The following MAPKAPK2 variants were observed in gnomAD, a reference collection of about 807,000 sequenced individuals.
The protein encoded by MAPKAPK2 is MAPK activated protein kinase 2.
MAPKAPK2 carries 9 observed loss-of-function variants against 48.8 expected under a neutral mutation model. The observed-to-expected ratio is 0.18, with a 90% CI of 0.11 to 0.32. The LOEUF (loss-of-function observed/expected upper bound fraction) is 0.32. Ranked by LOEUF, MAPKAPK2 falls within the 10% of genes least tolerant of loss-of-function variation. MAPKAPK2 has a pLI of 1.00. For missense variants in MAPKAPK2, 331 were observed against 498.3 expected, an observed-to-expected ratio of 0.66 and a Z score of 3.20; for synonymous variants, 202 against 190.6, an observed-to-expected ratio of 1.06 and a Z score of -0.49.
At chr1:206,730,657 C>T (rs571933884) in intron 5 of MAPKAPK2, 31 bp from the exon 6 acceptor site, 41 of 1,593,726 alleles carry the variant, frequency 2.6e-5, no homozygotes, top group Middle Eastern at 3.3e-4. Context: ...TTCTGAGGGC[C>T]GGCCCACCCA....
At chr1:206,702,643 G>A (rs1333012930) in intron 1 of MAPKAPK2, among the ~76,000 whole-genome samples, 6 of 152,174 alleles carry the variant, frequency 3.9e-5, no homozygotes, top group Non-Finnish European at 7.3e-5. Context: ...ATCCATTCCC[G>A]GTAATGACAG....
chr1:206,725,298 A>G (rs782258673), intron 1 of MAPKAPK2, among the ~76,000 whole-genome samples: 3 of 152,006 alleles, frequency 2.0e-5, no homozygotes, highest in Non-Finnish European at 2.9e-5. Context: ...GTGCATCCTC[A>G]CTTAGCACAG....
chr1:206,700,944 C>T (rs1402818567), intron 1 of MAPKAPK2, among the ~76,000 whole-genome samples: 5 of 152,330 alleles, frequency 3.3e-5, no homozygotes, highest in East Asian at 1.9e-4. Context: ...GTGTTAATTA[C>T]GTTTCTGGGC....
intron 3 of MAPKAPK2, 94 bp downstream of exon 3, chr1:206,729,193 C>T (rs1459206966): frequency 3.7e-6 from 5 of 1,337,140 alleles, no homozygotes; most frequent in Non-Finnish European, 5.4e-6. Flanking sequence ...GGGAAGGGTG[C>T]TGAGGCTGCT....
intron 1 of MAPKAPK2, among the ~76,000 whole-genome samples, chr1:206,717,885 G>A (rs1012315760): frequency 2.0e-5 from 3 of 151,576 alleles, no homozygotes; most frequent in African/African-American, 7.3e-5. Context: ...AAAAATACAC[G>A]CCTCTCTCTA....
chr1:206,689,575 A>G lies in MAPKAPK2; in HGVS notation c.279+4067A>G, dbSNP rs144464282. ...GTAGGTAACAGTTTGCTGAATATCT[A>G]TCATAAGCTTAGTTGCATGGAGGAT... is the stretch of plus-strand genomic sequence containing the variant. On this transcript the variant is annotated intron_variant, in intron 1 of 9. Coordinates refer to ENST00000367103, the MANE Select transcript of MAPKAPK2 (RefSeq NM_032960.4). Among the ~76,000 whole-genome samples the G allele has an allele frequency of 7.8e-3, 1,191 of 152,294 alleles. 18 individuals carry two copies. The highest frequency in any genetic ancestry group is 0.027 in the African/African-American group (1,124 of 41,554).
At position 206,732,466 on chromosome 1, in the gene MAPKAPK2, G is replaced by A. The variant is rs548666544; in HGVS notation, c.1060-109G>A. On this transcript the variant is annotated intron_variant, in intron 9 of 9. Transcript: ENST00000367103. The surrounding 1 kb of genome is among the most constrained non-coding windows in gnomAD (Gnocchi z 4.4). Reference sequence around the variant, plus strand: ...TTCTCTCTCTGCTCCCACCCCTGCCGCCCTCACCCTGCCCTTGTTGTCTCT... The same window carrying A: ...TTCTCTCTCTGCTCCCACCCCTGCCACCCTCACCCTGCCCTTGTTGTCTCT... The A allele has an allele frequency of 1.5e-5, 23 of 1,533,512 alleles. No individual in the cohort carries two copies. Among genetic ancestry groups the A allele is most frequent in the East Asian group, 9.2e-5 (4 of 43,476 alleles). The allele number at this position is 1,533,512 out of a possible 1,614,324, so 95.0% of individuals were successfully genotyped here.
In MAPKAPK2 at chr1:206,732,019, T is replaced by G; in HGVS notation, c.1059+100T>G. 1 of 1,614,126 alleles carries G rather than the reference T, an allele frequency of 6.2e-7. No homozygotes were observed. Among genetic ancestry groups the G allele is most frequent in the South Asian group, 1.1e-5 (1 of 91,084 alleles). ...TGGTGCTGGTAGGGGAGAGCTTGATTCTGCCTCTCTCATCCCAGGGGTGTC... is the reference window on the plus strand; with the variant it reads ...TGGTGCTGGTAGGGGAGAGCTTGATGCTGCCTCTCTCATCCCAGGGGTGTC... On this transcript the variant is annotated intron_variant, in intron 9 of 9. Coordinates refer to ENST00000367103, the MANE Select transcript of MAPKAPK2 (RefSeq NM_032960.4). The surrounding 1 kb of genome is among the most constrained non-coding windows in gnomAD (Gnocchi z 4.4).
rs3813961 is a variant in MAPKAPK2 at position 206,732,454 on chromosome 1, C to G, written c.1060-121C>G. On this transcript the variant is annotated intron_variant, in intron 9 of 9. Coordinates refer to ENST00000367103, the MANE Select transcript of MAPKAPK2 (RefSeq NM_032960.4). The surrounding 1 kb of genome is among the most constrained non-coding windows in gnomAD (Gnocchi z 4.4). ...AACCAGCCCGTCTTCTCTCTCTGCT[C>G]CCACCCCTGCCGCCCTCACCCTGCC... 0.018 allele frequency: 27,781 copies of G among 1,509,920 alleles called. 439 individuals are homozygous for G. Among genetic ancestry groups the G allele is most frequent in the East Asian group, 0.085 (3,595 of 42,436 alleles). The allele number at this position is 1,509,920 out of a possible 1,614,324, so 93.5% of individuals were successfully genotyped here.
At chr1:206,709,604 G>T (rs782245766) in intron 1 of MAPKAPK2, among the ~76,000 whole-genome samples, 3 of 152,232 alleles carry the variant, frequency 2.0e-5, no homozygotes, top group Non-Finnish European at 4.4e-5. Flanking sequence ...CTTGAAGTCA[G>T]TCCGAGCCTC....
intron 1 of MAPKAPK2, among the ~76,000 whole-genome samples, chr1:206,716,555 C>T (rs1673343008): frequency 6.6e-6 from 1 of 152,298 alleles, no homozygotes; most frequent in Non-Finnish European, 1.5e-5. Flanking sequence ...TCTGTCAACT[C>T]TCCTCCACCC....
chr1:206,722,472 T>C (rs1310938189), intron 1 of MAPKAPK2, among the ~76,000 whole-genome samples: 1 of 152,270 alleles, frequency 6.6e-6, no homozygotes. Context: ...ACTGATTACA[T>C]AGTTGATTAA....
intron 1 of MAPKAPK2, among the ~76,000 whole-genome samples, chr1:206,686,604 A>T (rs183089558): frequency 6.6e-6 from 1 of 152,296 alleles, no homozygotes; most frequent in African/African-American, 2.4e-5. Flanking sequence ...GAGGAGGAGA[A>T]AAATACTTCC....
rs1673959614 is a variant in MAPKAPK2, at chr1:206,732,640, T to A, written c.1125T>A (p.Ile375=). 6.2e-7 allele frequency: 1 copy of A among 1,614,126 alleles called. No homozygotes were observed. The highest frequency in any genetic ancestry group is 8.5e-7 in the Non-Finnish European group (1 of 1,180,032). ...ACGAGCAGATCAAGATAAAAAAGAT[T>A]GAAGATGCATCCAACCCTCTGCTGC... ...VDYEQIKIKK[I]EDASNPLLLK... Residue 375 remains isoleucine, a synonymous_variant, in exon 10 of 10, where the codon ATT becomes ATA. Transcript: ENST00000367103. This position sits in a 1 kb window ranked among gnomAD's most constrained non-coding sequence, Gnocchi z 4.4.
intron 1 of MAPKAPK2, among the ~76,000 whole-genome samples, chr1:206,712,567 C>G (rs569361183): frequency 1.3e-5 from 2 of 148,312 alleles, no homozygotes; most frequent in Non-Finnish European, 3.0e-5. Context: ...CTACCTAGCA[C>G]AGACTGCCTC....
chr1:206,688,239 C>A (rs1030640309), intron 1 of MAPKAPK2, among the ~76,000 whole-genome samples: 2 of 152,154 alleles, frequency 1.3e-5, no homozygotes, highest in African/African-American at 4.8e-5. Context: ...AAGAGAAAAC[C>A]AAGGCCCAGA....
At chr1:206,723,295 C>T (rs1441463468) in intron 1 of MAPKAPK2, among the ~76,000 whole-genome samples, 1 of 152,180 alleles carries the variant, frequency 6.6e-6, no homozygotes, top group Non-Finnish European at 1.5e-5. Flanking sequence ...GGGACTCCAA[C>T]ACATGGGGAG....
intron 1 of MAPKAPK2, among the ~76,000 whole-genome samples, chr1:206,688,568 C>G (rs1474765764): frequency 1.3e-5 from 2 of 152,198 alleles, no homozygotes; most frequent in Non-Finnish European, 2.9e-5. Flanking sequence ...CTCCCTCCCC[C>G]TTTTAAGAGA....
chr1:206,715,361 C>G (rs1553430168), intron 1 of MAPKAPK2, among the ~76,000 whole-genome samples: 1 of 152,218 alleles, frequency 6.6e-6, no homozygotes, highest in East Asian at 1.9e-4. Flanking sequence ...GCAGACTACT[C>G]CCTTCGGGCC....
Sources: allele counts gnomAD v4.1 joint callset (sites outside exome capture counted in the v4.1 genomes callset), GRCh38; gene constraint gnomAD v4.1.1; non-coding constraint Gnocchi (gnomAD v3.1); transcripts MANE v1.5; gene names NCBI Gene and HGNC (gene_info 2026-07-23, HGNC 2026-07-21).